Variants in CSMD1 observed in about 807,000 individuals in gnomAD.
CSMD1 encodes CUB and Sushi multiple domains 1, also known as CUB and sushi domain-containing protein 1.
A neutral mutation model predicts 417.5 loss-of-function variants in CSMD1; 213 were observed. The observed-to-expected ratio is 0.51, with a 90% CI of 0.46 to 0.57. The LOEUF is 0.57. CSMD1 is among the 20% of genes least tolerant of loss of function. The pLI is 0.00. For missense variants in CSMD1, 6,923 were observed against 4,529.7 expected, an observed-to-expected ratio of 1.53 and a Z score of -15.17; for synonymous variants, 2,862 against 1,736.8, an observed-to-expected ratio of 1.65 and a Z score of -16.11.
At chr8:3,295,886 C>G (rs1409208000) in intron 25 of CSMD1, among the ~76,000 whole-genome samples, 1 of 152,090 alleles carries the variant, frequency 6.6e-6, no homozygotes, top group Non-Finnish European at 1.5e-5. Flanking sequence ...AATAATTCAA[C>G]ATTTACTCGG....
intron 3 of CSMD1, among the ~76,000 whole-genome samples, chr8:4,143,415 C>T (rs1324483785): frequency 6.7e-6 from 1 of 149,334 alleles, no homozygotes; most frequent in South Asian, 2.1e-4. Flanking sequence ...TTAGGTGGAA[C>T]CCAGGCTGAA....
intron 51 of CSMD1, among the ~76,000 whole-genome samples, chr8:3,028,325 G>A (rs1369604478): frequency 6.6e-6 from 1 of 152,176 alleles, no homozygotes; most frequent in Admixed American, 6.5e-5. Context: ...AGAATGTCGG[G>A]AAGGGGGGCA....
intron 1 of CSMD1, among the ~76,000 whole-genome samples, chr8:4,816,710 T>A (rs1247911000): frequency 6.6e-6 from 1 of 152,134 alleles, no homozygotes; most frequent in Non-Finnish European, 1.5e-5. Flanking sequence ...AAAGAAGTGA[T>A]TTCCAGATGC....
chr8:3,949,014 T>C (rs1335801761), intron 5 of CSMD1, among the ~76,000 whole-genome samples: 1 of 152,196 alleles, frequency 6.6e-6, no homozygotes, highest in African/African-American at 2.4e-5. Flanking sequence ...ATGTATTAAA[T>C]CTGAACTAGA....
intron 3 of CSMD1, among the ~76,000 whole-genome samples, chr8:4,174,052 C>T (rs1029341226): frequency 1.3e-5 from 2 of 152,126 alleles, no homozygotes; most frequent in Non-Finnish European, 2.9e-5. Context: ...TTGGTTTAGG[C>T]CTGGGCCACC....
intron 38 of CSMD1, among the ~76,000 whole-genome samples, chr8:3,158,380 A>C (rs563558334): frequency 6.6e-6 from 1 of 152,172 alleles, no homozygotes; most frequent in Non-Finnish European, 1.5e-5. Context: ...TCAGCAATAC[A>C]AAGTCTGCTT....
chr8:4,115,777 A>G (rs898463905), intron 3 of CSMD1, among the ~76,000 whole-genome samples: 4 of 152,046 alleles, frequency 2.6e-5, no homozygotes, highest in Admixed American at 1.3e-4. Context: ...CTATCAAGCC[A>G]TGAAAAGTCA....
chr8:3,194,408 C>CTATTTTATTTTATTTTATTT (rs201987474), intron 33 of CSMD1, among the ~76,000 whole-genome samples: 5,699 of 134,848 alleles, frequency 0.042, 203 homozygotes, highest in Non-Finnish European at 0.062. Context: ...ATCTGATTAA[C>CTATTTTATTTTATTTTATTT]TATTTTATTT....
At chr8:4,078,690 T>A (rs1585266140) in intron 3 of CSMD1, among the ~76,000 whole-genome samples, 1 of 151,356 alleles carries the variant, frequency 6.6e-6, no homozygotes, top group African/African-American at 2.4e-5. Flanking sequence ...TTCTTGCTAA[T>A]AAATGTTTAA....
chr8:3,870,688 G>A (rs760163604), intron 5 of CSMD1, among the ~76,000 whole-genome samples: 5 of 152,172 alleles, frequency 3.3e-5, no homozygotes, highest in South Asian at 2.1e-4. Context: ...GGGATGTTAA[G>A]TATTATCTGA....
intron 5 of CSMD1, among the ~76,000 whole-genome samples, chr8:3,797,369 C>T (rs576799949): frequency 1.3e-5 from 2 of 152,056 alleles, no homozygotes; most frequent in East Asian, 1.9e-4. Flanking sequence ...GCCCACACCC[C>T]GGATGCAGGC....
intron 8 of CSMD1, among the ~76,000 whole-genome samples, chr8:3,608,173 C>CAA (rs5888975): frequency 0.034 from 3,308 of 97,236 alleles, 154 homozygotes; most frequent in African/African-American, 0.11. Flanking sequence ...GAAGCCATCT[C>CAA]AAAAAAAAAA....
At chr8:3,748,771 T>G (rs1476341502) in intron 6 of CSMD1, among the ~76,000 whole-genome samples, 1 of 152,200 alleles carries the variant, frequency 6.6e-6, no homozygotes, top group African/African-American at 2.4e-5. Flanking sequence ...AAGTCTTCAT[T>G]TGGTATAAAG....
At chr8:3,732,717 T>C (rs926949122) in intron 6 of CSMD1, among the ~76,000 whole-genome samples, 5 of 152,168 alleles carry the variant, frequency 3.3e-5, no homozygotes, top group African/African-American at 1.2e-4. Context: ...ATGCCCCAGA[T>C]GAACTGAACC....
At chr8:4,609,230 T>C (rs1801041875) in intron 2 of CSMD1, among the ~76,000 whole-genome samples, 1 of 152,180 alleles carries the variant, frequency 6.6e-6, no homozygotes. Flanking sequence ...TGAAACCCTG[T>C]ATCTACAAAA....
chr8:4,454,821 TAAG>T (rs892683323), intron 2 of CSMD1, among the ~76,000 whole-genome samples: 2 of 152,150 alleles, frequency 1.3e-5, no homozygotes, highest in African/African-American at 4.8e-5. Context: ...ATCTCAACCA[TAAG>T]AAGAGCAAAG....
At chr8:4,146,353 T>A (rs555797174) in intron 3 of CSMD1, among the ~76,000 whole-genome samples, 1 of 150,680 alleles carries the variant, frequency 6.6e-6, no homozygotes, top group Middle Eastern at 3.2e-3. Context: ...TCTGATAAGC[T>A]TCAGCCCAAC....
chr8:4,162,085 C>A (rs1206250395), intron 3 of CSMD1, among the ~76,000 whole-genome samples: 1 of 152,148 alleles, frequency 6.6e-6, no homozygotes, highest in Non-Finnish European at 1.5e-5. Context: ...AGCATTAAGG[C>A]AACATTTAAA....
At chr8:3,506,744 G>C (rs1041367499) in intron 10 of CSMD1, among the ~76,000 whole-genome samples, 4 of 152,168 alleles carry the variant, frequency 2.6e-5, no homozygotes, top group Admixed American at 6.5e-5. Context: ...AGGAGATTTC[G>C]AGATAATTCA....
Sources: gnomAD v4.1 joint callset for allele counts (sites outside exome capture counted in the v4.1 genomes callset) on GRCh38, gnomAD v4.1.1 for gene constraint, MANE v1.5 for transcripts, NCBI Gene and HGNC (gene_info 2026-07-23, HGNC 2026-07-21) for gene names.